The following SPECC1L variants were observed in gnomAD, a reference collection of about 807,000 sequenced individuals.
SPECC1L encodes sperm antigen with calponin homology and coiled-coil domains 1 like.
Under a neutral mutation model 116.8 loss-of-function variants are expected in SPECC1L, and 40 were observed. That is an observed-to-expected ratio of 0.34 (90% CI 0.27 to 0.45). The LOEUF is 0.45. Among genes scored for constraint, SPECC1L ranks in the 20% least tolerant of loss-of-function variants. The probability of loss-of-function intolerance (pLI) is 1.00; values close to 1 mark genes in which losing one functional copy is unlikely to be tolerated. For synonymous variants in SPECC1L, 504 were observed against 500.6 expected (o/e 1.01, Z -0.09); for missense variants, 1,110 against 1,373.6 (o/e 0.81, Z 3.03).
intron 11 of SPECC1L, among the ~76,000 whole-genome samples, chr22:24,359,194 C>T (rs2041594579): frequency 6.6e-6 from 1 of 152,178 alleles, no homozygotes; most frequent in South Asian, 2.1e-4. Flanking sequence ...CTATCTCCCA[C>T]TCCCTTCTCA....
chr22:24,329,094 T>G (rs1696903231), intron 7 of SPECC1L, among the ~76,000 whole-genome samples, 175 bp downstream of exon 7: 1 of 152,152 alleles, frequency 6.6e-6, no homozygotes, highest in African/African-American at 2.4e-5. Context: ...TGGTGCTAGA[T>G]TTTGGGTAGA....
At chr22:24,307,310 T>G (rs991588338) in intron 3 of SPECC1L, among the ~76,000 whole-genome samples, 4 of 152,268 alleles carry the variant, frequency 2.6e-5, no homozygotes, top group Admixed American at 2.6e-4. Flanking sequence ...ATAGTTGTTA[T>G]TTTGTTTTTT....
At chr22:24,305,314 C>A (rs1369082130) in intron 3 of SPECC1L, among the ~76,000 whole-genome samples, 2 of 152,178 alleles carry the variant, frequency 1.3e-5, no homozygotes, top group South Asian at 2.1e-4. Flanking sequence ...AAGCTTCCAC[C>A]GTGCCTCTGC....
In SPECC1L at chr22:24,369,145, C is replaced by T. The variant is rs2041827935; in HGVS notation, c.2985-73C>T. The T allele has an allele frequency of 2.7e-6, 3 of 1,102,210 alleles. No individual in the cohort carries two copies. The African/African-American group carries it at 4.6e-5, about 17-fold the overall frequency. The allele number at this position is 1,102,210 out of a possible 1,614,324, so 68.3% of individuals were successfully genotyped here. A position where few individuals can be genotyped will look rare whatever the true frequency, so the allele number is the denominator to read the frequency against. On this transcript the variant is annotated intron_variant, in intron 13 of 16. Transcript: ENST00000314328. ...TGTATATTTCCCCTGTTTAAAAATG[C>T]AAACTTTAATACTTTTCTCTTATTC...
At chr22:24,350,976 C>G (rs987650809) in intron 11 of SPECC1L, among the ~76,000 whole-genome samples, 1 of 152,168 alleles carries the variant, frequency 6.6e-6, no homozygotes, top group Middle Eastern at 3.2e-3. Flanking sequence ...CAGTGACGCT[C>G]CATGTTCCAG....
chr22:24,295,786 A>G (rs976174600), intron 2 of SPECC1L, among the ~76,000 whole-genome samples: 2 of 152,082 alleles, frequency 1.3e-5, no homozygotes, highest in Admixed American at 6.6e-5. Context: ...TGTCTCTAGT[A>G]AAAATACAAA....
intron 14 of SPECC1L, among the ~76,000 whole-genome samples, chr22:24,406,621 C>T (rs574411225): frequency 2.6e-5 from 4 of 152,286 alleles, no homozygotes; most frequent in Non-Finnish European, 4.4e-5. Flanking sequence ...TCACTGGGTG[C>T]TGGTCACACC....
At chr22:24,346,147 C>T (rs1014528245) in intron 10 of SPECC1L, among the ~76,000 whole-genome samples, 8 of 152,022 alleles carry the variant, frequency 5.3e-5, no homozygotes, top group African/African-American at 1.5e-4. Flanking sequence ...GCTGAGATTA[C>T]AGGCGCCTGC....
intron 10 of SPECC1L, among the ~76,000 whole-genome samples, chr22:24,338,813 A>G (rs955957015): frequency 2.0e-5 from 3 of 152,158 alleles, no homozygotes; most frequent in Non-Finnish European, 4.4e-5. Flanking sequence ...TATTTTTCAC[A>G]TGTGGTTACT....
intron 11 of SPECC1L, among the ~76,000 whole-genome samples, chr22:24,353,451 T>TGTTTTTTGA (rs943009945): frequency 2.0e-5 from 3 of 152,206 alleles, no homozygotes; most frequent in Non-Finnish European, 2.9e-5. Flanking sequence ...TTGTTTGTTT[T>TGTTTTTTGA]GTTTTTTGAG....
intron 12 of SPECC1L, 42 bp from the exon 13 acceptor site, chr22:24,365,427 CAGTCTAA>C (rs1405588519): frequency 1.1e-5 from 17 of 1,581,190 alleles, no homozygotes; most frequent in Non-Finnish European, 1.5e-5. Flanking sequence ...CTCAAGAACT[CAGTCTAA>C]AATGTTTTTG....
chr22:24,281,157 TC>T (rs1233682571), intron 2 of SPECC1L, among the ~76,000 whole-genome samples: 5 of 152,202 alleles, frequency 3.3e-5, no homozygotes, highest in Non-Finnish European at 7.4e-5. Context: ...TTATATGTGT[TC>T]CTGGAAGCAT....
At chr22:24,354,307 A>G (rs1414767689) in intron 11 of SPECC1L, among the ~76,000 whole-genome samples, 1 of 152,146 alleles carries the variant, frequency 6.6e-6, no homozygotes, top group Non-Finnish European at 1.5e-5. Flanking sequence ...GCATTTATTT[A>G]TGCATTTTGC....
intron 2 of SPECC1L, among the ~76,000 whole-genome samples, chr22:24,283,287 C>T (rs970743789): frequency 6.6e-6 from 1 of 151,490 alleles, no homozygotes; most frequent in African/African-American, 2.4e-5. Flanking sequence ...ACCGTGTTAG[C>T]CAGGATGGTC....
intron 11 of SPECC1L, among the ~76,000 whole-genome samples, chr22:24,359,756 G>A (rs1455293601): frequency 1.3e-5 from 2 of 152,082 alleles, no homozygotes; most frequent in Admixed American, 1.3e-4. Context: ...GCACTCAGTT[G>A]GGAACACTCT....
chr22:24,404,009 C>T (rs1275644105), intron 14 of SPECC1L, among the ~76,000 whole-genome samples: 1 of 152,174 alleles, frequency 6.6e-6, no homozygotes, highest in Non-Finnish European at 1.5e-5. Context: ...CGCCATTGCT[C>T]CTGTTGCTTC....
intron 16 of SPECC1L, among the ~76,000 whole-genome samples, chr22:24,414,315 C>A (rs2042761545): frequency 6.6e-6 from 1 of 152,176 alleles, no homozygotes; most frequent in South Asian, 2.1e-4. Context: ...CAGGGAGGCA[C>A]CTTGCCTGTG....
rs1200893399 is a variant in SPECC1L, at chr22:24,336,025, A to G, written c.2560+1452A>G. On this transcript the variant is annotated intron_variant, in intron 9 of 16. Transcript: ENST00000314328. ...ACATATACAGAGTTTTCAGTATAGCATTGTTTGGAAAAATGGAACACCTAG... is the reference window on the plus strand; with the variant it reads ...ACATATACAGAGTTTTCAGTATAGCGTTGTTTGGAAAAATGGAACACCTAG... Among the ~76,000 whole-genome samples the G allele has an allele frequency of 2.0e-5, 3 of 152,198 alleles. No individual in the cohort carries two copies. In the East Asian group the frequency reaches 5.8e-4, roughly 29 times the overall value.
intron 3 of SPECC1L, among the ~76,000 whole-genome samples, chr22:24,303,700 T>G (rs2049429444): frequency 6.6e-6 from 1 of 152,182 alleles, no homozygotes; most frequent in African/African-American, 2.4e-5. Context: ...TTACACCTTC[T>G]GAGTCTTGGA....
Sources: gnomAD v4.1 joint callset for allele counts (sites outside exome capture counted in the v4.1 genomes callset) on GRCh38, gnomAD v4.1.1 for gene constraint, MANE v1.5 for transcripts, NCBI Gene and HGNC (gene_info 2026-07-23, HGNC 2026-07-21) for gene names.